The following ARFGEF1 variants were observed in gnomAD, a reference collection of about 807,000 sequenced individuals.
ARFGEF1 encodes brefeldin A-inhibited guanine nucleotide-exchange protein 1.
Under a neutral mutation model 231.0 loss-of-function variants are expected in ARFGEF1, and 42 were observed. The ratio of observed to expected loss-of-function variants is 0.18; its 90% CI spans 0.14 to 0.24. The LOEUF (loss-of-function observed/expected upper bound fraction) is 0.24. Among genes scored for constraint, ARFGEF1 ranks in the 10% least tolerant of loss-of-function variants. The pLI is 1.00. For synonymous variants in ARFGEF1, 710 were observed against 732.3 expected, an observed-to-expected ratio of 0.97 and a Z score of 0.49; for missense variants, 1,345 against 2,192.0, an observed-to-expected ratio of 0.61 and a Z score of 7.72.
intron 38 of ARFGEF1, chr8:67,200,036 G>C (rs754958609): frequency 5.4e-5 from 19 of 348,740 alleles, no homozygotes; most frequent in South Asian, 3.6e-4. Flanking sequence ...ATGTAGTCTT[G>C]AGTAGTAGGC....
At chr8:67,195,745 G>GTACA (rs1186236730), downstream of ARFGEF1, 1 of 617,538 alleles carries the variant, frequency 1.6e-6, no homozygotes, top group East Asian at 2.8e-5. Context: ...TGTATATTAT[G>GTACA]TACATAAATA....
intron 34 of ARFGEF1, among the ~76,000 whole-genome samples, chr8:67,205,207 T>C (rs1243778322): frequency 6.6e-6 from 1 of 152,220 alleles, no homozygotes; most frequent in Non-Finnish European, 1.5e-5. Flanking sequence ...TCGCCCAGCA[T>C]TGGAGCCACT....
intron 5 of ARFGEF1, among the ~76,000 whole-genome samples, chr8:67,187,226 G>A (rs1467762987): frequency 2.0e-5 from 3 of 152,168 alleles, no homozygotes; most frequent in African/African-American, 7.2e-5. Flanking sequence ...TGATTCTAAA[G>A]TTCATTTGGA....
At chr8:67,228,620 T>A (rs1024307986) in intron 23 of ARFGEF1, among the ~76,000 whole-genome samples, 3 of 152,096 alleles carry the variant, frequency 2.0e-5, no homozygotes, top group African/African-American at 7.2e-5. Context: ...TCTTTCCTGA[T>A]TATTGTCTAG....
intron 6 of ARFGEF1, among the ~76,000 whole-genome samples, chr8:67,290,835 G>A (rs922280693): frequency 5.9e-5 from 9 of 151,960 alleles, no homozygotes; most frequent in Admixed American, 5.3e-4. Context: ...TTAGCTTATC[G>A]AAGTCATCCT....
intron 29 of ARFGEF1, 129 bp downstream of exon 29, chr8:67,224,771 CTAA>C: frequency 2.0e-6 from 1 of 491,040 alleles, no homozygotes; most frequent in Non-Finnish European, 3.2e-6. Flanking sequence ...TAAAATATAC[CTAA>C]TAATTAATAT....
chr8:67,267,916 G>A (rs570460834), intron 10 of ARFGEF1, among the ~76,000 whole-genome samples: 16 of 152,148 alleles, frequency 1.1e-4, no homozygotes, highest in East Asian at 3.9e-4. Context: ...AGTCTCATAC[G>A]GTTTTATTTT....
chr8:67,251,612 C>T (rs758584006), intron 18 of ARFGEF1, among the ~76,000 whole-genome samples, 162 bp from the exon 19 acceptor site: 1 of 152,034 alleles, frequency 6.6e-6, no homozygotes, highest in Non-Finnish European at 1.5e-5. Context: ...TATGAAAAAT[C>T]CAGAATAGGT....
chr8:67,307,005 C>G (rs1468719820), intron 1 of ARFGEF1, among the ~76,000 whole-genome samples: 1 of 152,192 alleles, frequency 6.6e-6, no homozygotes, highest in African/African-American at 2.4e-5. Context: ...TCTCGAACTC[C>G]TGACCACAGG....
At chr8:67,205,481 A>G (rs1838479561) in intron 34 of ARFGEF1, among the ~76,000 whole-genome samples, 1 of 152,170 alleles carries the variant, frequency 6.6e-6, no homozygotes, top group South Asian at 2.1e-4. Flanking sequence ...TTTTAATTCA[A>G]CAAATGGATA....
chr8:67,223,587 C>G (rs1839274568), intron 29 of ARFGEF1, among the ~76,000 whole-genome samples: 1 of 152,174 alleles, frequency 6.6e-6, no homozygotes, highest in Admixed American at 6.5e-5. Context: ...GATCTTTTCT[C>G]TCTCCTTTAC....
intron 1 of ARFGEF1, among the ~76,000 whole-genome samples, chr8:67,321,661 C>T (rs1807601944): frequency 1.3e-5 from 2 of 151,910 alleles, no homozygotes; most frequent in South Asian, 2.1e-4. Flanking sequence ...GGGGTTTCAC[C>T]GTGTTAGCCA....
At chr8:67,327,892 C>T (rs187469856) in intron 1 of ARFGEF1, among the ~76,000 whole-genome samples, 1 of 152,278 alleles carries the variant, frequency 6.6e-6, no homozygotes, top group East Asian at 1.9e-4. Context: ...ATCATTTAAT[C>T]AATCCTATAT....
At chr8:67,340,817 G>A (rs1808590459) in intron 1 of ARFGEF1, among the ~76,000 whole-genome samples, 1 of 152,110 alleles carries the variant, frequency 6.6e-6, no homozygotes, top group African/African-American at 2.4e-5. Context: ...ATACAGAAGG[G>A]ACAAAAAAGT....
Position 67,334,052 on chromosome 8 carries a change from C to T in ARFGEF1, c.124+9112G>A, listed in dbSNP as rs547620905. ...TTGGGAGGCTGAGACAGGAGAATCACTTGAACCTGGGAAGCGGAAGTTACA... is the reference window on the plus strand; with the variant it reads ...TTGGGAGGCTGAGACAGGAGAATCATTTGAACCTGGGAAGCGGAAGTTACA... On this transcript the variant is annotated intron_variant, in intron 1 of 38. Transcript: ENST00000262215. Among the ~76,000 whole-genome samples the T allele has an allele frequency of 2.7e-3, 410 of 150,082 alleles. 1 individual carries two copies. Among genetic ancestry groups the T allele is most frequent in the Non-Finnish European group, 3.9e-3 (263 of 67,814 alleles).
intron 5 of ARFGEF1, among the ~76,000 whole-genome samples, chr8:67,178,240 C>G (rs1832150825): frequency 1.3e-5 from 2 of 152,064 alleles, no homozygotes; most frequent in African/African-American, 2.4e-5. Context: ...GAGTAGGAGT[C>G]TGTTATGGAA....
chr8:67,273,568 A>G (rs1805191287), intron 9 of ARFGEF1, among the ~76,000 whole-genome samples: 1 of 152,114 alleles, frequency 6.6e-6, no homozygotes, highest in Non-Finnish European at 1.5e-5. Context: ...CGTAAATCTA[A>G]TAAGGAATTG....
intron 1 of ARFGEF1, among the ~76,000 whole-genome samples, chr8:67,335,202 CT>C (rs1291627596): frequency 6.7e-6 from 1 of 149,830 alleles, no homozygotes; most frequent in East Asian, 2.0e-4. Context: ...GCCTCCCGGG[CT>C]CACACCATTC....
Position 67,234,167 on chromosome 8 carries a change from T to C in ARFGEF1, c.3290-1222A>G, listed in dbSNP as rs1340323405. On this transcript the variant is annotated intron_variant, in intron 22 of 38. Coordinates refer to ENST00000262215, the MANE Select transcript of ARFGEF1 (RefSeq NM_006421.5). ...CTGAATGCAAACATAACAGATGATA[T>C]CATTTAAACCTGCTGAACTCAAATT... Among the ~76,000 whole-genome samples the C allele has an allele frequency of 3.3e-5, 5 of 152,110 alleles. No homozygotes were observed. The East Asian group carries it at 9.6e-4, about 29-fold the overall frequency.
Sources: gnomAD v4.1 joint callset for allele counts (sites outside exome capture counted in the v4.1 genomes callset) on GRCh38, gnomAD v4.1.1 for gene constraint, MANE v1.5 for transcripts, NCBI Gene and HGNC (gene_info 2026-07-23, HGNC 2026-07-21) for gene names.